IL1RAPL1: variants seen among roughly 807,000 people sequenced by gnomAD.
IL1RAPL1 encodes interleukin-1 receptor accessory protein-like 1.
IL1RAPL1 carries 3 observed loss-of-function variants against 48.4 expected under a neutral mutation model. The observed-to-expected ratio is 0.06, with a 90% CI of 0.03 to 0.16. IL1RAPL1 has a LOEUF of 0.16. IL1RAPL1 is among the 10% of genes least tolerant of loss of function. IL1RAPL1 has a pLI of 1.00. For synonymous variants in IL1RAPL1, 185 were observed against 187.7 expected (o/e 0.99, Z 0.12); for missense variants, 349 against 530.6 (o/e 0.66, Z 3.36).
At chrX:29,405,633 T>G (rs1388779697) in intron 5 of IL1RAPL1, among the ~76,000 whole-genome samples, 1 of 108,149 alleles carries the variant, frequency 9.2e-6, no homozygotes, top group South Asian at 3.9e-4. Context: ...CCCAAAGTGC[T>G]GGAATTACAG....
chrX:29,505,598 T>C (rs1415320321), intron 5 of IL1RAPL1, among the ~76,000 whole-genome samples: 1 of 111,064 alleles, frequency 9.0e-6, no homozygotes, highest in Non-Finnish European at 1.9e-5. Context: ...TATTGAGAAG[T>C]CTGTTGCTTA....
At chrX:29,001,731 C>A (rs1925857351) in intron 2 of IL1RAPL1, among the ~76,000 whole-genome samples, 1 of 110,804 alleles carries the variant, frequency 9.0e-6, no homozygotes, top group African/African-American at 3.3e-5. Flanking sequence ...GGAAAATGAG[C>A]AAATTTATTC....
chrX:28,626,501 G>A (rs66886749), intron 1 of IL1RAPL1, among the ~76,000 whole-genome samples: 32,403 of 110,610 alleles, frequency 0.29, 4,255 homozygotes, highest in East Asian at 0.51. Flanking sequence ...TACATATAAG[G>A]TTGCTAACTC....
chrX:29,748,666 C>T lies in IL1RAPL1; in HGVS notation c.778+80162C>T, dbSNP rs747330134. On this transcript the variant is annotated intron_variant, in intron 6 of 10. Transcript: ENST00000378993. Reference sequence around the variant, plus strand: ...GGGTCCAAAACCTAGGTTTTTGGCCCCCAGGCCATACTGCCTTTCTGTTTT... The same window carrying T: ...GGGTCCAAAACCTAGGTTTTTGGCCTCCAGGCCATACTGCCTTTCTGTTTT... Among the ~76,000 whole-genome samples, 97 of 112,840 alleles carry T rather than the reference C, an allele frequency of 8.6e-4. 1 individual carries two copies. Among genetic ancestry groups the T allele is most frequent in the Non-Finnish European group, 1.5e-3 (78 of 53,321 alleles).
At chrX:29,172,054 A>G (rs1474181717) in intron 2 of IL1RAPL1, among the ~76,000 whole-genome samples, 1 of 112,524 alleles carries the variant, frequency 8.9e-6, no homozygotes, top group Non-Finnish European at 1.9e-5. Context: ...GAACCATTAA[A>G]CTGGCTTGAC....
chrX:29,480,263 G>T (rs1305735769), intron 5 of IL1RAPL1, among the ~76,000 whole-genome samples: 1 of 90,270 alleles, frequency 1.1e-5, no homozygotes, highest in African/African-American at 4.6e-5. Flanking sequence ...ATTAATTGAA[G>T]CATGATATAT....
At chrX:29,584,156 TATGTAA>T (rs1394028496) in intron 5 of IL1RAPL1, among the ~76,000 whole-genome samples, 29 of 111,189 alleles carry the variant, frequency 2.6e-4, no homozygotes, top group Admixed American at 1.9e-4. Context: ...GTCTTCCCAG[TATGTAA>T]CCACTGTCCA....
chrX:28,873,732 T>TGTGTTAGCC (rs1491302668), intron 2 of IL1RAPL1, among the ~76,000 whole-genome samples: 6 of 106,267 alleles, frequency 5.6e-5, no homozygotes, highest in Non-Finnish European at 7.7e-5. Context: ...GGGGTTTCAC[T>TGTGTTAGCC]GTGTTAGCCA....
chrX:29,451,415 G>A (rs1046737293), intron 5 of IL1RAPL1, among the ~76,000 whole-genome samples: 1 of 110,478 alleles, frequency 9.1e-6, no homozygotes, highest in Admixed American at 9.7e-5. Flanking sequence ...GGCTGGTCTC[G>A]AACTTCTGGC....
At chrX:29,102,606 C>T (rs1168869076) in intron 2 of IL1RAPL1, among the ~76,000 whole-genome samples, 1 of 106,783 alleles carries the variant, frequency 9.4e-6, no homozygotes, top group Non-Finnish European at 1.9e-5. Context: ...GCAGAGGTTG[C>T]AGTGAGCCAA....
chrX:29,956,035 CTTTG>C lies in IL1RAPL1; in HGVS notation c.*219_*222del, dbSNP rs1458092272. ...TGTCTTTTACCATTACATTTTTTGA[CTTTG>C]TTTTATATGTCGTTGGAATTTGTAA... On this transcript the variant is annotated 3_prime_UTR_variant, in exon 11 of 11. Transcript: ENST00000378993. 11 of 417,849 alleles carry C rather than the reference CTTTG, an allele frequency of 2.6e-5. No individual in the cohort carries two copies. In the East Asian group the frequency reaches 4.2e-4, roughly 16 times the overall value. 34.4% of individuals were successfully genotyped at this position (417,849 alleles called of 1,213,427 possible).
rs191370291 is a variant in IL1RAPL1 at position 28,795,178 on chromosome X, C to T, written c.82+5753C>T. ...AAAAAAATGCACTTTAATTTTTTCT[C>T]AGGAAAAAAAATTCTCCTATTTATT... On this transcript the variant is annotated intron_variant, in intron 2 of 10. Transcript: ENST00000378993. 2.7e-5 allele frequency among the ~76,000 whole-genome samples: 3 copies of T among 110,792 alleles called. No individual in the cohort carries two copies. In the East Asian group the frequency reaches 8.5e-4, roughly 31 times the overall value.
chrX:29,466,242 T>C (rs1170549135), intron 5 of IL1RAPL1, among the ~76,000 whole-genome samples: 2 of 112,117 alleles, frequency 1.8e-5, no homozygotes, highest in African/African-American at 3.2e-5. Flanking sequence ...ACAATGGTGT[T>C]CAATCCATAT....
At chrX:29,319,876 T>C (rs970419107) in intron 3 of IL1RAPL1, among the ~76,000 whole-genome samples, 1 of 111,699 alleles carries the variant, frequency 9.0e-6, no homozygotes, top group East Asian at 2.8e-4. Flanking sequence ...TAATTTTATT[T>C]TGTTACTTTT....
chrX:29,918,911 C>A, intron 7 of IL1RAPL1, among the ~76,000 whole-genome samples: 1 of 111,829 alleles, frequency 8.9e-6, no homozygotes. Flanking sequence ...AAGTTACAAC[C>A]ACATCAAAAT....
chrX:29,204,189 A>C, intron 2 of IL1RAPL1, among the ~76,000 whole-genome samples: 1 of 111,962 alleles, frequency 8.9e-6, no homozygotes, highest in East Asian at 2.8e-4. Context: ...CAGGAGTGAG[A>C]ATATCTCTTC....
At chrX:29,178,064 G>A (rs1446313493) in intron 2 of IL1RAPL1, among the ~76,000 whole-genome samples, 1 of 111,748 alleles carries the variant, frequency 8.9e-6, no homozygotes, top group Non-Finnish European at 1.9e-5. Context: ...ACGTGTGCAT[G>A]TGTCTTTATA....
intron 5 of IL1RAPL1, among the ~76,000 whole-genome samples, chrX:29,578,386 G>C (rs750550192): frequency 2.6e-4 from 29 of 112,229 alleles, no homozygotes; most frequent in Admixed American, 7.6e-4. Context: ...TCTTAAGGTT[G>C]TTGTGAGGAT....
rs1204517865 is a variant in IL1RAPL1, at chrX:29,081,034, CTTT to C, written c.83-201902_83-201900del. Among the ~76,000 whole-genome samples the C allele has an allele frequency of 9.3e-4, 43 of 46,010 alleles. 1 individual carries two copies. Among genetic ancestry groups the C allele is most frequent in the East Asian group, 2.4e-3 (4 of 1,671 alleles). The allele number at this position is 46,010 out of a possible 115,157, so 40.0% of individuals were successfully genotyped here. On this transcript the variant is annotated intron_variant, in intron 2 of 10. Coordinates refer to ENST00000378993, the MANE Select transcript of IL1RAPL1 (RefSeq NM_014271.4). ...TCTCTCTCTCTCTTTCTTTTCTTTT[CTTT>C]TCTTTTCTTTTCTTTTCTTTTCTTT... is the stretch of plus-strand genomic sequence containing the variant.
Sources: gnomAD v4.1 joint callset for allele counts (sites outside exome capture counted in the v4.1 genomes callset) on GRCh38, gnomAD v4.1.1 for gene constraint, MANE v1.5 for transcripts, NCBI Gene and HGNC (gene_info 2026-07-23, HGNC 2026-07-21) for gene names.